The following ARHGEF28 variants were observed in gnomAD, a reference collection of about 807,000 sequenced individuals.
The protein encoded by ARHGEF28 is Rho guanine nucleotide exchange factor 28, also known as 190 kDa guanine nucleotide exchange factor.
In ARHGEF28, 152 loss-of-function variants were observed where a neutral mutation model predicts 206.6. The ratio of observed to expected loss-of-function variants is 0.74; its 90% confidence interval spans 0.64 to 0.84. The LOEUF (loss-of-function observed/expected upper bound fraction) is 0.84. Among genes scored for constraint, ARHGEF28 ranks in the 40% least tolerant of loss-of-function variants. The pLI is 0.00. For missense variants in ARHGEF28, 2,028 were observed against 2,073.2 expected (o/e 0.98, Z 0.42); for synonymous variants, 763 against 776.4 (o/e 0.98, Z 0.29).
chr5:73,630,869 A>T (rs996276223), intron 1 of ARHGEF28, among the ~76,000 whole-genome samples: 1 of 152,266 alleles, frequency 6.6e-6, no homozygotes, highest in Admixed American at 6.5e-5. Flanking sequence ...ACTACTGGAA[A>T]GGTACTGTCT....
chr5:73,859,459 G>A (rs1238980384), intron 16 of ARHGEF28, among the ~76,000 whole-genome samples: 1 of 152,150 alleles, frequency 6.6e-6, no homozygotes, highest in Non-Finnish European at 1.5e-5. Flanking sequence ...AAATTTAGAT[G>A]TATCTACAGC....
At chr5:73,877,207 A>G (rs1168778322) in intron 22 of ARHGEF28, among the ~76,000 whole-genome samples, 4 of 151,328 alleles carry the variant, frequency 2.6e-5, no homozygotes, top group Non-Finnish European at 5.9e-5. Context: ...GTTTATTTGC[A>G]TAGAGGTGTT....
intron 35 of ARHGEF28, among the ~76,000 whole-genome samples, chr5:73,914,774 G>A (rs560196030): frequency 2.0e-5 from 3 of 152,158 alleles, no homozygotes; most frequent in African/African-American, 7.2e-5. Flanking sequence ...CGCCCAGGTT[G>A]GAGTTCAGTG....
At position 73,795,258 on chromosome 5, in the gene ARHGEF28, A is replaced by G. The variant is rs114747128; in HGVS notation, c.964-73A>G. 5,086 of 1,391,292 alleles carry G rather than the reference A, an allele frequency of 3.7e-3. 155 individuals are homozygous for G. In the African/African-American group the frequency reaches 0.066, roughly 18 times the overall value. 86.2% of individuals were successfully genotyped at this position (1,391,292 alleles called of 1,614,324 possible). A position where few individuals can be genotyped will look rare whatever the true frequency, so the allele number is the denominator to read the frequency against. On this transcript the variant is annotated intron_variant, in intron 8 of 35. Transcript: ENST00000513042. ...TGATGCTTTCCAAGGTTGTTTTTCT[A>G]GTTCACAAAAATAAACATTAGTGTA...
intron 12 of ARHGEF28, among the ~76,000 whole-genome samples, chr5:73,848,160 A>G (rs561583026): frequency 3.3e-5 from 5 of 152,338 alleles, no homozygotes; most frequent in African/African-American, 9.6e-5. Flanking sequence ...TATAGGATAG[A>G]AGTTGGGTAC....
chr5:73,649,751 A>T (rs1041098664), intron 1 of ARHGEF28, among the ~76,000 whole-genome samples: 9 of 152,198 alleles, frequency 5.9e-5, no homozygotes, highest in African/African-American at 2.2e-4. Context: ...CTTCAGGAGG[A>T]ATAGCAGGGT....
intron 1 of ARHGEF28, among the ~76,000 whole-genome samples, chr5:73,632,186 A>T (rs1743412272): frequency 6.6e-6 from 1 of 152,110 alleles, no homozygotes; most frequent in South Asian, 2.1e-4. Context: ...TCCGATGTGG[A>T]TTGCGTTGGA....
At chr5:73,789,858 A>G (rs1754369674) in intron 7 of ARHGEF28, among the ~76,000 whole-genome samples, 1 of 152,094 alleles carries the variant, frequency 6.6e-6, no homozygotes, top group Admixed American at 6.6e-5. Flanking sequence ...CAAATCTTAT[A>G]AGGAGACTGC....
chr5:73,927,302 G>A (rs1432046296), intron 35 of ARHGEF28, among the ~76,000 whole-genome samples: 3 of 152,134 alleles, frequency 2.0e-5, no homozygotes, highest in Non-Finnish European at 4.4e-5. Context: ...ACATGAGCCT[G>A]GGAGGCTGCA....
At chr5:73,808,426 A>G (rs1344750002) in intron 9 of ARHGEF28, among the ~76,000 whole-genome samples, 3 of 152,228 alleles carry the variant, frequency 2.0e-5, no homozygotes, top group South Asian at 2.1e-4. Flanking sequence ...AAGAGCTTAT[A>G]AAGATCTTCA....
chr5:73,722,911 C>A (rs533794580), intron 2 of ARHGEF28, among the ~76,000 whole-genome samples: 3 of 152,284 alleles, frequency 2.0e-5, no homozygotes, highest in Non-Finnish European at 4.4e-5. Context: ...TTAATTTAGA[C>A]CGTCATCTTG....
chr5:73,739,599 G>A (rs1307662649), intron 2 of ARHGEF28, among the ~76,000 whole-genome samples: 1 of 151,488 alleles, frequency 6.6e-6, no homozygotes, highest in South Asian at 2.1e-4. Context: ...CGGGCGGATC[G>A]CTTGAGCCCA....
At chr5:73,902,825 G>A (rs189953221) in intron 31 of ARHGEF28, 1 of 152,256 alleles carries the variant, frequency 6.6e-6, no homozygotes, top group East Asian at 1.9e-4. Context: ...AGTAACCGCG[G>A]GTAGCACAGT....
rs775644076 is a variant in ARHGEF28, at chr5:73,909,885, G to A, written c.4635G>A (p.Pro1545=). The A allele has an allele frequency of 2.6e-6, 4 of 1,512,054 alleles. No individual in the cohort carries two copies. Among genetic ancestry groups the A allele is most frequent in the East Asian group, 2.3e-5 (1 of 44,006 alleles). 93.7% of individuals were successfully genotyped at this position (1,512,054 alleles called of 1,614,324 possible). ...RQRSLPAVLL[P]GGPEVMELNR... ...GGAGCCTGCCCGCGGTGCTCCTTCC[G>A]GGTGGCCCCGAGGTATGGACCTTCT... The change falls in exon 34 of 36, where the codon CCG becomes CCA. Residue 1545 remains proline, a synonymous_variant. Coordinates refer to ENST00000513042, the MANE Select transcript of ARHGEF28 (RefSeq NM_001177693.2).
At chr5:73,927,213 T>A (rs447067) in intron 35 of ARHGEF28, among the ~76,000 whole-genome samples, 25,586 of 151,008 alleles carry the variant, frequency 0.17, 2,434 homozygotes, top group Middle Eastern at 0.28. Flanking sequence ...AAAATAAAAA[T>A]AAAAAATAAA....
intron 2 of ARHGEF28, among the ~76,000 whole-genome samples, chr5:73,695,308 G>T (rs2112272623): frequency 6.6e-6 from 1 of 152,186 alleles, no homozygotes; most frequent in East Asian, 1.9e-4. Flanking sequence ...TGTCTATTGT[G>T]CTTTCCTCTC....
intron 35 of ARHGEF28, among the ~76,000 whole-genome samples, chr5:73,939,941 C>A (rs1332140770): frequency 6.6e-6 from 1 of 151,846 alleles, no homozygotes; most frequent in Admixed American, 6.6e-5. Flanking sequence ...TATGTGGCCT[C>A]TTCTTAATGA....
intron 1 of ARHGEF28, among the ~76,000 whole-genome samples, chr5:73,681,154 A>C (rs1186165042): frequency 6.6e-6 from 1 of 150,970 alleles, no homozygotes; most frequent in Admixed American, 6.6e-5. Flanking sequence ...ACAAAAATAC[A>C]TAAGGATCTT....
chr5:73,764,988 T>A (rs1752817794), intron 4 of ARHGEF28, among the ~76,000 whole-genome samples: 2 of 152,192 alleles, frequency 1.3e-5, no homozygotes, highest in Admixed American at 6.5e-5. Flanking sequence ...TGTAAATTTT[T>A]AATAATTTTT....
Sources: allele counts gnomAD v4.1 joint callset (sites outside exome capture counted in the v4.1 genomes callset), GRCh38; gene constraint gnomAD v4.1.1; transcripts MANE v1.5; gene names NCBI Gene and HGNC (gene_info 2026-07-23, HGNC 2026-07-21).